ITGBL1: variants seen among roughly 807,000 people sequenced by gnomAD.
ITGBL1 encodes the protein integrin subunit beta like 1, also known as integrin beta-like protein 1.
In ITGBL1, 51 loss-of-function variants were observed where a neutral mutation model predicts 68.5. That is an observed-to-expected ratio of 0.74 (90% CI 0.59 to 0.94). ITGBL1 has a LOEUF of 0.94. ITGBL1 is among the 40% of genes least tolerant of loss of function. The pLI is 0.00. For synonymous variants in ITGBL1, 209 were observed against 227.3 expected, an observed-to-expected ratio of 0.92 and a Z score of 0.72; for missense variants, 649 against 647.4, an observed-to-expected ratio of 1.00 and a Z score of -0.03.
rs1199173445 is a variant in ITGBL1, at chr13:101,703,154, CA to C, written c.1133-3596del. 5.6e-5 allele frequency among the ~76,000 whole-genome samples: 8 copies of C among 142,712 alleles called. No homozygotes were observed. The East Asian group carries it at 1.4e-3, about 26-fold the overall frequency. The allele number at this position is 142,712 out of a possible 152,430, so 93.6% of individuals were successfully genotyped here. A position where few individuals can be genotyped will look rare whatever the true frequency, so the allele number is the denominator to read the frequency against. ...TAACTATATACCATGAGATGGAAGT[CA>C]AAAAAGTTCCACAGGAGGTAAAAAA... On this transcript the variant is annotated intron_variant, in intron 8 of 10. Coordinates refer to ENST00000376180, the MANE Select transcript of ITGBL1 (RefSeq NM_004791.3).
chr13:101,592,752 C>G (rs1055052871), intron 6 of ITGBL1, among the ~76,000 whole-genome samples: 1 of 152,088 alleles, frequency 6.6e-6, no homozygotes, highest in African/African-American at 2.4e-5. Flanking sequence ...TAAATCACTA[C>G]TTCTCATGAT....
At chr13:101,623,150 T>C (rs1348057736) in intron 7 of ITGBL1, among the ~76,000 whole-genome samples, 1 of 152,086 alleles carries the variant, frequency 6.6e-6, no homozygotes, top group Non-Finnish European at 1.5e-5. Flanking sequence ...ATTGTGTGTT[T>C]TGATCTTTCC....
intron 8 of ITGBL1, among the ~76,000 whole-genome samples, chr13:101,693,620 G>GTCTA (rs1422842721): frequency 0.027 from 2,635 of 99,262 alleles, 27 homozygotes; most frequent in East Asian, 0.061. Flanking sequence ...CTATCTGTCT[G>GTCTA]TCTGTCTATC....
At chr13:101,682,999 A>C (rs1433150162) in intron 7 of ITGBL1, among the ~76,000 whole-genome samples, 3 of 152,152 alleles carry the variant, frequency 2.0e-5, no homozygotes, top group Non-Finnish European at 4.4e-5. Context: ...GAAGTAAAGG[A>C]AATGAATATT....
chr13:101,703,117 T>C (rs2034172308), intron 8 of ITGBL1, among the ~76,000 whole-genome samples: 1 of 152,078 alleles, frequency 6.6e-6, no homozygotes, highest in South Asian at 2.1e-4. Context: ...AGTAGTGGAT[T>C]CATTTGACAC....
At chr13:101,571,721 AT>A (rs908909581) in intron 3 of ITGBL1, among the ~76,000 whole-genome samples, 5 of 151,718 alleles carry the variant, frequency 3.3e-5, no homozygotes, top group South Asian at 2.1e-4. Flanking sequence ...ATTATTTCTC[AT>A]TTTTTTCCTG....
intron 7 of ITGBL1, among the ~76,000 whole-genome samples, chr13:101,639,024 T>C (rs1338079592): frequency 1.3e-5 from 2 of 152,162 alleles, no homozygotes; most frequent in African/African-American, 4.8e-5. Context: ...ATGAACAGTG[T>C]TATAGGCAAG....
rs965536838 is a variant in ITGBL1, at chr13:101,598,425, AT to A, written c.1015+133del. ...CTGCTTTTTGGTTTTTTTGTTTTTT[AT>A]TTTTTTATTTTATTTTTTATTATTA... is the stretch of plus-strand genomic sequence containing the variant. On this transcript the variant is annotated intron_variant, in intron 7 of 10. Coordinates refer to ENST00000376180, the MANE Select transcript of ITGBL1 (RefSeq NM_004791.3). The A allele has an allele frequency of 2.7e-4, 190 of 700,996 alleles. No individual in the cohort carries two copies. In the African/African-American group the frequency reaches 3.1e-3, roughly 11 times the overall value. 43.4% of individuals were successfully genotyped at this position (700,996 alleles called of 1,614,324 possible). A position where few individuals can be genotyped will look rare whatever the true frequency, so the allele number is the denominator to read the frequency against.
At chr13:101,671,742 G>C (rs1439565456) in intron 7 of ITGBL1, among the ~76,000 whole-genome samples, 1 of 151,984 alleles carries the variant, frequency 6.6e-6, no homozygotes, top group Non-Finnish European at 1.5e-5. Flanking sequence ...CCGGCCAAAA[G>C]TATACCTTTG....
At chr13:101,453,390 A>T (rs1373907814) in intron 1 of ITGBL1, among the ~76,000 whole-genome samples, 2 of 152,230 alleles carry the variant, frequency 1.3e-5, no homozygotes, top group African/African-American at 4.8e-5. Flanking sequence ...AATGCAAATT[A>T]TGCCCGATGC....
At chr13:101,578,278 G>T (rs1051498829) in intron 4 of ITGBL1, among the ~76,000 whole-genome samples, 2 of 152,150 alleles carry the variant, frequency 1.3e-5, no homozygotes, top group Admixed American at 1.3e-4. Flanking sequence ...CTCATAATCA[G>T]TTTTGCATTG....
intron 2 of ITGBL1, among the ~76,000 whole-genome samples, chr13:101,558,129 G>A: frequency 7.7e-6 from 1 of 129,958 alleles, no homozygotes; most frequent in African/African-American, 3.0e-5. Flanking sequence ...CTAACGAGAA[G>A]GTAAAAGAGC....
intron 2 of ITGBL1, among the ~76,000 whole-genome samples, chr13:101,544,745 CG>C (rs2049786467): frequency 6.6e-6 from 1 of 152,162 alleles, no homozygotes; most frequent in Admixed American, 6.5e-5. Flanking sequence ...TCTCAAGCCT[CG>C]GCAATGGCGG....
At chr13:101,532,029 C>T (rs1012156460) in intron 2 of ITGBL1, among the ~76,000 whole-genome samples, 4 of 152,038 alleles carry the variant, frequency 2.6e-5, no homozygotes, top group East Asian at 1.9e-4. Context: ...CCACCGCGCC[C>T]GGCCAGTTTT....
At chr13:101,524,204 G>A (rs564698893) in intron 2 of ITGBL1, among the ~76,000 whole-genome samples, 3 of 151,256 alleles carry the variant, frequency 2.0e-5, no homozygotes, top group East Asian at 1.9e-4. Context: ...GTTGAAAGAA[G>A]GGAACAATTG....
intron 7 of ITGBL1, among the ~76,000 whole-genome samples, chr13:101,653,856 T>C (rs1177939613): frequency 3.1e-5 from 3 of 96,894 alleles, no homozygotes; most frequent in African/African-American, 6.6e-5. Context: ...GCCCAGCTAC[T>C]TTTTTTGTTT....
chr13:101,498,903 G>C (rs1470968262), intron 2 of ITGBL1, among the ~76,000 whole-genome samples: 1 of 152,106 alleles, frequency 6.6e-6, no homozygotes, highest in African/African-American at 2.4e-5. Context: ...AAGAGAAAAG[G>C]CACGTCTTAC....
At chr13:101,524,782 C>T (rs936166529) in intron 2 of ITGBL1, among the ~76,000 whole-genome samples, 13 of 146,742 alleles carry the variant, frequency 8.9e-5, no homozygotes, top group South Asian at 2.2e-4. Flanking sequence ...GTGGTCATTA[C>T]GCCAACTGAC....
intron 8 of ITGBL1, among the ~76,000 whole-genome samples, chr13:101,694,545 T>C (rs2033960251): frequency 6.6e-6 from 1 of 152,130 alleles, no homozygotes; most frequent in Admixed American, 6.5e-5. Context: ...GGCCTTAACT[T>C]ACTGAGTATC....
Sources: gnomAD v4.1 joint callset for allele counts (sites outside exome capture counted in the v4.1 genomes callset) on GRCh38, gnomAD v4.1.1 for gene constraint, MANE v1.5 for transcripts, NCBI Gene and HGNC (gene_info 2026-07-23, HGNC 2026-07-21) for gene names.